The following HTRA1 variants were observed in gnomAD, a reference collection of about 807,000 sequenced individuals.
The protein encoded by HTRA1 is serine protease HTRA1.
HTRA1 carries 26 observed loss-of-function variants against 49.7 expected under a neutral mutation model. That is an observed-to-expected ratio of 0.52 (90% confidence interval 0.38 to 0.73). The LOEUF (loss-of-function observed/expected upper bound fraction) is 0.73, where lower values mean the gene tolerates loss of function less well. Among genes scored for constraint, HTRA1 ranks in the 30% least tolerant of loss-of-function variants. HTRA1 has a pLI of 0.00. For synonymous variants in HTRA1, 291 were observed against 286.9 expected (o/e 1.01, Z -0.14); for missense variants, 561 against 667.2 (o/e 0.84, Z 1.75).
chr10:122,472,259 G>T (rs1279924571), intron 1 of HTRA1, among the ~76,000 whole-genome samples: 1 of 151,186 alleles, frequency 6.6e-6, no homozygotes, highest in African/African-American at 2.4e-5. Flanking sequence ...ATGACATATT[G>T]TACTATCTCA....
At chr10:122,471,912 CCTTCTCCCTA>C (rs1186922327) in intron 1 of HTRA1, among the ~76,000 whole-genome samples, 2 of 152,172 alleles carry the variant, frequency 1.3e-5, no homozygotes, top group African/African-American at 4.8e-5. Flanking sequence ...TGCAGAAAAC[CCTTCTCCCTA>C]CTTCTCCCTA....
chr10:122,511,802 C>A (rs2097505756), intron 7 of HTRA1, among the ~76,000 whole-genome samples, 168 bp from the exon 8 acceptor site: 1 of 151,854 alleles, frequency 6.6e-6, no homozygotes, highest in African/African-American at 2.4e-5. Context: ...CCAAGTAAAT[C>A]TTTGACTCTG....
At position 122,514,485 on chromosome 10, in the gene HTRA1, A is replaced by G; in HGVS notation, c.*126A>G. The G allele has an allele frequency of 2.3e-6, 2 of 886,274 alleles. No individual in the cohort carries two copies. The highest frequency in any genetic ancestry group is 2.8e-5 in the South Asian group (2 of 71,956). The allele number at this position is 886,274 out of a possible 1,614,324, so 54.9% of individuals were successfully genotyped here. On this transcript the variant is annotated 3_prime_UTR_variant, in exon 9 of 9. Transcript: ENST00000368984. ...CTGCCATTTTGTTTGTTCAGTGGAG[A>G]CTCCCTGGCCAACAGAATCCTTCTT...
At position 122,494,740 on chromosome 10, in the gene HTRA1, CT is replaced by C. The variant is rs2097497779; in HGVS notation, c.777+5115del. 6.6e-6 allele frequency among the ~76,000 whole-genome samples: 1 copy of C among 152,148 alleles called. No individual in the cohort carries two copies. Among genetic ancestry groups the C allele is most frequent in the Non-Finnish European group, 1.5e-5 (1 of 68,030 alleles). On this transcript the variant is annotated intron_variant, in intron 3 of 8. Transcript: ENST00000368984. This position sits in a 1 kb window ranked among gnomAD's most constrained non-coding sequence, Gnocchi z 4.0. ...GGGAGCCCTCTGGGCGCTGGGGCCG[CT>C]GTGTTTGCAGAGGGTCCTCTTACTG... is the stretch of plus-strand genomic sequence containing the variant.
chr10:122,510,503 A>G (rs2097505107), intron 7 of HTRA1, among the ~76,000 whole-genome samples: 2 of 152,112 alleles, frequency 1.3e-5, no homozygotes, highest in South Asian at 4.1e-4. Context: ...GTTGAAACCC[A>G]CATTCCAGGA....
In HTRA1 at chr10:122,467,774, T is replaced by TA. The variant is rs146094146; in HGVS notation, c.472+5660dup. Among the ~76,000 whole-genome samples, 896 of 147,384 alleles carry TA rather than the reference T, an allele frequency of 6.1e-3. 12 individuals carry two copies. Among genetic ancestry groups the TA allele is most frequent in the African/African-American group, 0.02 (819 of 40,366 alleles). On this transcript the variant is annotated intron_variant, in intron 1 of 8. Transcript: ENST00000368984. The stretch of plus-strand genomic sequence containing the variant: ...TTTCCTTCTCCACCTTCTCTGCCGT[T>TA]AAAAAAAAAAGAAGAAAGAGAAAAA...
chr10:122,499,259 T>TCCA (rs1259395607), intron 3 of HTRA1, among the ~76,000 whole-genome samples: 1 of 152,150 alleles, frequency 6.6e-6, no homozygotes, highest in Non-Finnish European at 1.5e-5. Flanking sequence ...CAGGGGCTGG[T>TCCA]GGGCACAATG....
chr10:122,476,081 C>T (rs541632043), intron 1 of HTRA1, among the ~76,000 whole-genome samples: 184 of 152,326 alleles, frequency 1.2e-3, no homozygotes, highest in Admixed American at 2.7e-3. Flanking sequence ...GCCCCCTCCC[C>T]TTTCGCTTCA....
At chr10:122,469,809 T>G (rs1344857191) in intron 1 of HTRA1, among the ~76,000 whole-genome samples, 2 of 152,232 alleles carry the variant, frequency 1.3e-5, no homozygotes, top group African/African-American at 4.8e-5. Flanking sequence ...TCCCAAACTA[T>G]TCTTCAGATT....
chr10:122,465,194 A>G (rs756020507), intron 1 of HTRA1, among the ~76,000 whole-genome samples: 1 of 152,214 alleles, frequency 6.6e-6, no homozygotes, highest in Non-Finnish European at 1.5e-5. Flanking sequence ...CAAATCATCT[A>G]TTTCAGAAGT....
intron 3 of HTRA1, 35 bp downstream of exon 3, chr10:122,489,661 A>G: frequency 6.3e-7 from 1 of 1,591,312 alleles, no homozygotes; most frequent in Middle Eastern, 2.1e-4. Context: ...GTGAGTTCTC[A>G]GATGCCCCGG....
rs185751765 is a variant in HTRA1, at chr10:122,468,310, C to T, written c.472+6186C>T. On this transcript the variant is annotated intron_variant, in intron 1 of 8. Transcript: ENST00000368984. Reference sequence around the variant, plus strand: ...GCAGATACATACGTAGCTCTTAGGGCATTGCAGAATGGAAGGACCTCCTTA... The same window carrying T: ...GCAGATACATACGTAGCTCTTAGGGTATTGCAGAATGGAAGGACCTCCTTA... Among the ~76,000 whole-genome samples the T allele has an allele frequency of 1.1e-4, 16 of 152,298 alleles. No individual in the cohort carries two copies. In the East Asian group the frequency reaches 2.5e-3, roughly 24 times the overall value.
intron 1 of HTRA1, among the ~76,000 whole-genome samples, chr10:122,462,926 GGGGGAAGGA>G (rs2097482196): frequency 1.3e-5 from 2 of 152,244 alleles, no homozygotes; most frequent in Admixed American, 6.5e-5. Flanking sequence ...CGGTGGTGAT[GGGGGAAGGA>G]GTGGAATGGA....
At chr10:122,492,624 G>A (rs1164819897) in intron 3 of HTRA1, among the ~76,000 whole-genome samples, 1 of 152,136 alleles carries the variant, frequency 6.6e-6, no homozygotes, top group African/African-American at 2.4e-5. Context: ...GTGAGCCATT[G>A]CGCGTGGCTG....
chr10:122,510,613 G>A (rs1439151356), intron 7 of HTRA1, among the ~76,000 whole-genome samples: 2 of 152,214 alleles, frequency 1.3e-5, no homozygotes, highest in African/African-American at 2.4e-5. Flanking sequence ...CCAGCGCAGG[G>A]AAGTGAATGA....
intron 1 of HTRA1, 123 bp downstream of exon 1, chr10:122,462,247 G>C (rs2097481803): frequency 1.2e-6 from 1 of 864,296 alleles, no homozygotes; most frequent in Non-Finnish European, 1.8e-6. Flanking sequence ...GGCAACTCTC[G>C]GGGACAGGCA....
intron 1 of HTRA1, among the ~76,000 whole-genome samples, chr10:122,470,332 G>C (rs1042719699): frequency 6.6e-6 from 1 of 152,186 alleles, no homozygotes; most frequent in African/African-American, 2.4e-5. Flanking sequence ...TGCTGCCTAG[G>C]AGACATCAGC....
chr10:122,482,691 A>G (rs2097491522), intron 1 of HTRA1, among the ~76,000 whole-genome samples: 1 of 152,108 alleles, frequency 6.6e-6, no homozygotes, highest in African/African-American at 2.4e-5. Flanking sequence ...TGGCTGAGGC[A>G]GGCAGATCAC....
chr10:122,477,778 C>T (rs1462121342), intron 1 of HTRA1, among the ~76,000 whole-genome samples: 5 of 151,786 alleles, frequency 3.3e-5, no homozygotes, highest in African/African-American at 4.9e-5. Context: ...CTTTCATGGT[C>T]GAGAGGTTGC....
Sources: allele counts gnomAD v4.1 joint callset (sites outside exome capture counted in the v4.1 genomes callset), GRCh38; gene constraint gnomAD v4.1.1; non-coding constraint Gnocchi (gnomAD v3.1); transcripts MANE v1.5; gene names NCBI Gene and HGNC (gene_info 2026-07-23, HGNC 2026-07-21).